Variants in MINDY1 observed in about 807,000 individuals in gnomAD.
The protein encoded by MINDY1 is ubiquitin carboxyl-terminal hydrolase MINDY-1.
Under a neutral mutation model 53.6 loss-of-function variants are expected in MINDY1, and 50 were observed. The observed-to-expected ratio is 0.93, with a 90% CI of 0.74 to 1.18. The LOEUF is 1.18. Ranked by LOEUF, MINDY1 falls within the 50% of genes most tolerant of loss-of-function variation. MINDY1 has a pLI of 0.00. For synonymous variants in MINDY1, 231 were observed against 234.7 expected, an observed-to-expected ratio of 0.98 and a Z score of 0.14; for missense variants, 484 against 578.6, an observed-to-expected ratio of 0.84 and a Z score of 1.68.
At chr1:151,003,219 G>GT (rs1672775069) in intron 1 of MINDY1, among the ~76,000 whole-genome samples, 1 of 152,214 alleles carries the variant, frequency 6.6e-6, no homozygotes, top group South Asian at 2.1e-4. Flanking sequence ...GTGCTTGTAT[G>GT]TTTAGGGATA....
In MINDY1 at chr1:150,999,854, A is replaced by C; in HGVS notation, c.838+8T>G. 4 of 1,608,430 alleles carry C rather than the reference A, an allele frequency of 2.5e-6. No individual in the cohort carries two copies. The highest frequency in any genetic ancestry group is 2.6e-6 in the Non-Finnish European group (3 of 1,175,058). On this transcript the variant is annotated splice_region_variant and intron_variant, in intron 6 of 9. Transcript: ENST00000683666. The surrounding 1 kb of genome is among the most constrained non-coding windows in gnomAD (Gnocchi z 4.4). Reference sequence around the variant, plus strand: ...ACATACTATCCATGAGAAGGGGAGGAATGTCACCTTCTGTCACGAGGTTGG... The same window carrying C: ...ACATACTATCCATGAGAAGGGGAGGCATGTCACCTTCTGTCACGAGGTTGG...
rs765321814 is a variant in MINDY1 at position 151,002,606 on chromosome 1, A to C, written c.12T>G (p.His4Gln). MEY[H>Q]QPEDPAPGKA... ...TACCAGGGGCTGGATCCTCAGGCTGATGGTATTCCATGGTCAAAAGGGACT... is the reference window on the plus strand; with the variant it reads ...TACCAGGGGCTGGATCCTCAGGCTGCTGGTATTCCATGGTCAAAAGGGACT... The change falls in exon 2 of 10, where the codon CAT (histidine) becomes CAG (glutamine). Residue 4 changes from histidine (H) to glutamine (Q), a missense_variant. His to Gln is a conservative substitution (Grantham distance 24). Transcript: ENST00000683666. The surrounding 1 kb of genome is among the most constrained non-coding windows in gnomAD (Gnocchi z 4.1). 1 of 1,614,104 alleles carries C rather than the reference A, an allele frequency of 6.2e-7. No homozygotes were observed. The highest frequency in any genetic ancestry group is 1.1e-5 in the South Asian group (1 of 91,084).
chr1:151,002,053 G>T lies in MINDY1; in HGVS notation c.453+112C>A. On this transcript the variant is annotated intron_variant, in intron 2 of 9. Coordinates refer to ENST00000683666, the MANE Select transcript of MINDY1 (RefSeq NM_001376665.1). This position sits in a 1 kb window ranked among gnomAD's most constrained non-coding sequence, Gnocchi z 4.1. Reference sequence around the variant, plus strand: ...TTTGCTCAAGCTGGAGAAATAGGGAGAACAATCTGAAAAGTTTTGACTAGT... The same window carrying T: ...TTTGCTCAAGCTGGAGAAATAGGGATAACAATCTGAAAAGTTTTGACTAGT... 1 of 1,105,334 alleles carries T rather than the reference G, an allele frequency of 9.0e-7. No homozygotes were observed. Among genetic ancestry groups the T allele is most frequent in the South Asian group, 1.6e-5 (1 of 63,324 alleles). 68.5% of individuals were successfully genotyped at this position (1,105,334 alleles called of 1,614,324 possible).
chr1:151,005,950 A>G, intron 1 of MINDY1: 1 of 1,039,476 alleles, frequency 9.6e-7, no homozygotes, highest in Non-Finnish European at 1.3e-6. Context: ...TGTAGCTTCA[A>G]GAAGACACTC....
chr1:150,999,002 C>T lies in MINDY1; in HGVS notation c.981+367G>A, dbSNP rs1276082323. On this transcript the variant is annotated intron_variant, in intron 7 of 9. Coordinates refer to ENST00000683666, the MANE Select transcript of MINDY1 (RefSeq NM_001376665.1). The surrounding 1 kb of genome is among the most constrained non-coding windows in gnomAD (Gnocchi z 4.4). ...TCATACTTTCCTGTCCCATCGACGG[C>T]AGGCTTATCCCTTATGGCTTGCTCT... Among the ~76,000 whole-genome samples, 1 of 152,198 alleles carries T rather than the reference C, an allele frequency of 6.6e-6. No homozygotes were observed. The highest frequency in any genetic ancestry group is 1.9e-4 in the East Asian group (1 of 5,198).
At chr1:150,997,833 A>G in intron 8 of MINDY1, 54 bp from the exon 9 acceptor site, 1 of 1,547,522 alleles carries the variant, frequency 6.5e-7, no homozygotes, top group Non-Finnish European at 8.7e-7. Flanking sequence ...GTGGCTATTC[A>G]GGCAAGGTTT....
Position 151,006,765 on chromosome 1 carries a change from A to G in MINDY1, c.-543T>C. 1.0e-6 allele frequency: 1 copy of G among 985,596 alleles called. No individual in the cohort carries two copies. The highest frequency in any genetic ancestry group is 1.7e-5 in the African/African-American group (1 of 57,360). The allele number at this position is 985,596 out of a possible 1,614,324, so 61.1% of individuals were successfully genotyped here. On this transcript the variant is annotated 5_prime_UTR_variant, in exon 1 of 10. Coordinates refer to ENST00000683666, the MANE Select transcript of MINDY1 (RefSeq NM_001376665.1). ...GGAGGGGCCTGCCCAGCGCTGGTGG[A>G]TTTCCATCAGGACTTTCTGACCCGG...
At position 150,999,485 on chromosome 1, in the gene MINDY1, T is replaced by C; in HGVS notation, c.865A>G (p.Thr289Ala). 1 of 1,613,940 alleles carries C rather than the reference T, an allele frequency of 6.2e-7. No individual in the cohort carries two copies. Among genetic ancestry groups the C allele is most frequent in the Non-Finnish European group, 8.5e-7 (1 of 1,179,978 alleles). ...TGGTAGGTCAGCTGGGCCGCGGTGG[T>C]CTCCAGGAACTGCTCTGCAATCAGG... The part of the protein sequence containing the change: ...EGLIAEQFLE[T>A]TAAQLTYHGL... The change falls in exon 7 of 10, where the codon ACC becomes GCC. Residue 289 changes from threonine to alanine, a missense_variant. Physicochemically the swap from Thr to Ala is moderately conservative, Grantham distance 58. Transcript: ENST00000683666. This position sits in a 1 kb window ranked among gnomAD's most constrained non-coding sequence, Gnocchi z 4.4.
At position 150,997,338 on chromosome 1, in the gene MINDY1, G is replaced by T. The variant is rs140375829; in HGVS notation, c.1359C>A (p.Ala453=). 130 of 1,602,288 alleles carry T rather than the reference G, an allele frequency of 8.1e-5. No homozygotes were observed. In the African/African-American group the frequency reaches 1.4e-3, roughly 18 times the overall value. The change falls in exon 10 of 10, where the codon GCC becomes GCA. Residue 453 remains alanine, a synonymous_variant. Coordinates refer to ENST00000683666, the MANE Select transcript of MINDY1 (RefSeq NM_001376665.1). ...GCTTCGGCCTCTGCCGACGCTCCCC[G>T]GCTGGGCGTCCAGATGTGGCTCCTC... is the stretch of plus-strand genomic sequence containing the variant. ...QGRGATSGRP[A]GERRQRPKHE... is the part of the protein sequence containing the mutation.
In MINDY1 at chr1:151,006,518, G is replaced by A. The variant is rs956502853; in HGVS notation, c.-296C>T. The A allele has an allele frequency of 1.4e-5, 14 of 1,017,990 alleles. No homozygotes were observed. Among genetic ancestry groups the A allele is most frequent in the Non-Finnish European group, 1.6e-5 (14 of 850,588 alleles). 63.1% of individuals were successfully genotyped at this position (1,017,990 alleles called of 1,614,324 possible). A position where few individuals can be genotyped will look rare whatever the true frequency, so the allele number is the denominator to read the frequency against. On this transcript the variant is annotated 5_prime_UTR_variant, in exon 1 of 10. Coordinates refer to ENST00000683666, the MANE Select transcript of MINDY1 (RefSeq NM_001376665.1). ...TCCGGACTCACGCCCAGTACTGGGGGCACTGGAGGAGGGTGAAGGCAGGCA... is the reference window on the plus strand; with the variant it reads ...TCCGGACTCACGCCCAGTACTGGGGACACTGGAGGAGGGTGAAGGCAGGCA...
chr1:151,002,116 AAGAGT>A lies in MINDY1; in HGVS notation c.453+44_453+48del. ...GGATGATCAAGGAAGTAAGTCAGGG[AAGAGT>A]ACTCCCTGATATTTTTTGCACCCCT... On this transcript the variant is annotated intron_variant, in intron 2 of 9. Coordinates refer to ENST00000683666, the MANE Select transcript of MINDY1 (RefSeq NM_001376665.1). The surrounding 1 kb of genome is among the most constrained non-coding windows in gnomAD (Gnocchi z 4.1). The A allele has an allele frequency of 6.6e-7, 1 of 1,515,774 alleles. No homozygotes were observed. 93.9% of individuals were successfully genotyped at this position (1,515,774 alleles called of 1,614,324 possible).
rs964710720 is a variant in MINDY1 at position 150,999,186 on chromosome 1, C to G, written c.981+183G>C. ...GAGTGAAGATGGTGTGGGACAGAAC[C>G]GTAGCCAGTCCACAGTGGACACGCA... On this transcript the variant is annotated intron_variant, in intron 7 of 9. Transcript: ENST00000683666. This position sits in a 1 kb window ranked among gnomAD's most constrained non-coding sequence, Gnocchi z 4.4. Among the ~76,000 whole-genome samples the G allele has an allele frequency of 6.6e-6, 1 of 152,034 alleles. No individual in the cohort carries two copies. The highest frequency in any genetic ancestry group is 1.5e-5 in the Non-Finnish European group (1 of 68,024).
Position 150,997,338 on chromosome 1 carries a change from G to A in MINDY1, c.1359C>T (p.Ala453=), listed in dbSNP as rs140375829. The A allele has an allele frequency of 4.1e-5, 66 of 1,602,170 alleles. No individual in the cohort carries two copies. Among genetic ancestry groups the A allele is most frequent in the Non-Finnish European group, 5.4e-5 (63 of 1,173,328 alleles). The stretch of plus-strand genomic sequence containing the variant: ...GCTTCGGCCTCTGCCGACGCTCCCC[G>A]GCTGGGCGTCCAGATGTGGCTCCTC... ...QGRGATSGRP[A]GERRQRPKHE... is the part of the protein sequence containing the mutation. Residue 453 remains alanine (A), a synonymous_variant, in exon 10 of 10, where the codon GCC becomes GCT. Coordinates refer to ENST00000683666, the MANE Select transcript of MINDY1 (RefSeq NM_001376665.1).
chr1:151,002,475 C>T lies in MINDY1; in HGVS notation c.143G>A (p.Arg48Lys), dbSNP rs587750508. 159 of 1,614,232 alleles carry T rather than the reference C, an allele frequency of 9.8e-5. 3 individuals carry two copies. In the South Asian group the frequency reaches 1.6e-3, roughly 17 times the overall value. Reference sequence around the variant, plus strand: ...AGCTTGGTCTGCTGGCTCCCGTTCTCTAGCCTCCCCATCAGCATCTCTTGC... The same window carrying T: ...AGCTTGGTCTGCTGGCTCCCGTTCTTTAGCCTCCCCATCAGCATCTCTTGC... ...TDARDADGEA[R>K]EREPADQALL... The change falls in exon 2 of 10, where the codon AGA becomes AAA. Residue 48 changes from arginine (R) to lysine (K), a missense_variant. Arg to Lys is a conservative substitution (Grantham distance 26). Transcript: ENST00000683666. This position sits in a 1 kb window ranked among gnomAD's most constrained non-coding sequence, Gnocchi z 4.1.
intron 1 of MINDY1, 54 bp downstream of exon 1, chr1:151,006,258 A>T: frequency 6.7e-7 from 1 of 1,496,666 alleles, no homozygotes; most frequent in Non-Finnish European, 8.9e-7. Flanking sequence ...CTGGAGAGGA[A>T]ATAGAGAAGG....
upstream of MINDY1, among the ~76,000 whole-genome samples, chr1:151,007,842 C>T (rs1673397029): frequency 6.6e-6 from 1 of 152,132 alleles, no homozygotes; most frequent in African/African-American, 2.4e-5. Context: ...TTTCAAGCAA[C>T]TCTAAAGGCT....
Position 150,999,765 on chromosome 1 carries a change from T to C in MINDY1, c.838+97A>G, listed in dbSNP as rs1185375662. On this transcript the variant is annotated intron_variant, in intron 6 of 9. Transcript: ENST00000683666. This position sits in a 1 kb window ranked among gnomAD's most constrained non-coding sequence, Gnocchi z 4.4. Reference sequence around the variant, plus strand: ...AGCTCCTTCTTGTGAAGCTTATATCTAGTGGGATGTGGTAGGAGATGACAC... The same window carrying C: ...AGCTCCTTCTTGTGAAGCTTATATCCAGTGGGATGTGGTAGGAGATGACAC... 2 of 1,152,630 alleles carry C rather than the reference T, an allele frequency of 1.7e-6. No individual in the cohort carries two copies. The highest frequency in any genetic ancestry group is 3.1e-5 in the African/African-American group (2 of 65,524). The allele number at this position is 1,152,630 out of a possible 1,614,324, so 71.4% of individuals were successfully genotyped here.
At chr1:151,000,051 A>G in intron 5 of MINDY1, 87 bp from the exon 6 acceptor site, 1 of 973,154 alleles carries the variant, frequency 1.0e-6, no homozygotes, top group Non-Finnish European at 1.6e-6. Context: ...GCTCACAAGG[A>G]CTACAACCCT....
At position 150,997,069 on chromosome 1, in the gene MINDY1, A is replaced by G; in HGVS notation, c.*218T>C. 1.7e-6 allele frequency: 1 copy of G among 596,498 alleles called. No homozygotes were observed. Among genetic ancestry groups the G allele is most frequent in the Non-Finnish European group, 3.0e-6 (1 of 332,880 alleles). 37.0% of individuals were successfully genotyped at this position (596,498 alleles called of 1,614,324 possible). A position where few individuals can be genotyped will look rare whatever the true frequency, so the allele number is the denominator to read the frequency against. ...ACCGGGAGTTGAGAACCAGAAACCCACCAATCCTAGTGTTGCCCTGGATGG... is the reference window on the plus strand; with the variant it reads ...ACCGGGAGTTGAGAACCAGAAACCCGCCAATCCTAGTGTTGCCCTGGATGG... On this transcript the variant is annotated 3_prime_UTR_variant, in exon 10 of 10. Transcript: ENST00000683666.
Sources: gnomAD v4.1 joint callset for allele counts (sites outside exome capture counted in the v4.1 genomes callset) on GRCh38, gnomAD v4.1.1 for gene constraint, Gnocchi (gnomAD v3.1) non-coding constraint, MANE v1.5 for transcripts, NCBI Gene and HGNC (gene_info 2026-07-23, HGNC 2026-07-21) for gene names.